Variants in IQCM observed in about 807,000 individuals in gnomAD.
The protein encoded by IQCM is IQ motif containing M, also known as IQ domain-containing protein M.
Under a neutral mutation model 57.6 loss-of-function variants are expected in IQCM, and 45 were observed. The observed-to-expected ratio is 0.78, with a 90% CI of 0.62 to 1.00. IQCM has a LOEUF of 1.00. Ranked by LOEUF, IQCM falls within the 50% of genes least tolerant of loss-of-function variation. The probability of loss-of-function intolerance (pLI) is 0.00; values close to 1 mark genes in which losing one functional copy is unlikely to be tolerated. For synonymous variants in IQCM, 148 were observed against 158.9 expected (o/e 0.93, Z 0.51); for missense variants, 468 against 511.6 (o/e 0.91, Z 0.82).
chr4:149,618,886 T>C (rs982552129), intron 8 of IQCM, among the ~76,000 whole-genome samples: 28 of 152,104 alleles, frequency 1.8e-4, no homozygotes, highest in African/African-American at 5.3e-4. Context: ...AGTGGAAATA[T>C]AAGTTAGTAC....
intron 12 of IQCM, among the ~76,000 whole-genome samples, chr4:149,446,762 T>A (rs1736555717): frequency 6.6e-6 from 1 of 151,572 alleles, no homozygotes; most frequent in Admixed American, 6.6e-5. Context: ...CATTAAAAAT[T>A]TCAGGGCAAA....
At chr4:149,557,184 T>C (rs1361420316) in intron 10 of IQCM, among the ~76,000 whole-genome samples, 1 of 152,150 alleles carries the variant, frequency 6.6e-6, no homozygotes, top group Non-Finnish European at 1.5e-5. Context: ...GAGTATTATC[T>C]AGCCTTGGCT....
At chr4:149,706,594 T>C (rs893159859) in intron 5 of IQCM, among the ~76,000 whole-genome samples, 1 of 152,014 alleles carries the variant, frequency 6.6e-6, no homozygotes, top group South Asian at 2.1e-4. Context: ...CTAAGTATTA[T>C]CTTGTATATG....
chr4:149,592,882 A>T (rs1027648542), intron 8 of IQCM, among the ~76,000 whole-genome samples: 6 of 152,172 alleles, frequency 3.9e-5, no homozygotes, highest in Non-Finnish European at 4.4e-5. Context: ...GTTTGAAGTC[A>T]GGTAGTGTGA....
At chr4:149,485,382 T>C (rs764796849) in intron 12 of IQCM, among the ~76,000 whole-genome samples, 1 of 151,848 alleles carries the variant, frequency 6.6e-6, no homozygotes, top group Non-Finnish European at 1.5e-5. Context: ...ATCTCGTAGG[T>C]ATGCTTTATT....
intron 13 of IQCM, among the ~76,000 whole-genome samples, chr4:149,389,718 GC>G (rs1157947122): frequency 1.3e-4 from 17 of 131,110 alleles, no homozygotes; most frequent in African/African-American, 4.8e-4. Flanking sequence ...TGGGTTGGGG[GC>G]GGGGGGAGGG....
chr4:149,711,777 T>C (rs761125262), intron 5 of IQCM, among the ~76,000 whole-genome samples: 3 of 152,194 alleles, frequency 2.0e-5, no homozygotes, highest in South Asian at 2.1e-4. Context: ...TTGAGTATAG[T>C]TGGACACCAG....
At chr4:149,403,959 G>A (rs1448259298) in intron 13 of IQCM, among the ~76,000 whole-genome samples, 4 of 151,978 alleles carry the variant, frequency 2.6e-5, no homozygotes. Context: ...GGAGAGAAAT[G>A]AGTCAAGCAC....
chr4:149,812,804 G>A lies in IQCM; in HGVS notation c.-49+2507C>T, dbSNP rs151337557. ...AGTTTCACTGACATAAATTGAAGCTGAACCTCTGCTCTGGCTAATTGTGTA... is the reference window on the plus strand; with the variant it reads ...AGTTTCACTGACATAAATTGAAGCTAAACCTCTGCTCTGGCTAATTGTGTA... On this transcript the variant is annotated intron_variant, in intron 2 of 13. Coordinates refer to ENST00000636793, the MANE Select transcript of IQCM (RefSeq NM_001363507.2). Among the ~76,000 whole-genome samples, 643 of 152,178 alleles carry A rather than the reference G, an allele frequency of 4.2e-3. 6 individuals carry two copies. The highest frequency in any genetic ancestry group is 0.015 in the African/African-American group (610 of 41,530).
At chr4:149,655,883 C>A (rs1368048359) in intron 7 of IQCM, among the ~76,000 whole-genome samples, 1 of 152,090 alleles carries the variant, frequency 6.6e-6, no homozygotes, top group Non-Finnish European at 1.5e-5. Flanking sequence ...CTTTGTTTTG[C>A]CTTTTGATAA....
chr4:149,681,734 T>C (rs1762193129), intron 7 of IQCM, among the ~76,000 whole-genome samples: 1 of 151,098 alleles, frequency 6.6e-6, no homozygotes, highest in South Asian at 2.1e-4. Flanking sequence ...TTTAAGCAGT[T>C]CAAGTTCCAG....
chr4:149,485,972 C>T (rs758998911), intron 12 of IQCM, among the ~76,000 whole-genome samples: 1 of 151,476 alleles, frequency 6.6e-6, no homozygotes, highest in Non-Finnish European at 1.5e-5. Context: ...GGTTACCAGG[C>T]AGAGACTCTT....
At chr4:149,707,938 T>C (rs909104075) in intron 5 of IQCM, among the ~76,000 whole-genome samples, 2 of 152,044 alleles carry the variant, frequency 1.3e-5, no homozygotes, top group African/African-American at 4.8e-5. Context: ...ATCACAGTTC[T>C]ATATTTTCAT....
intron 13 of IQCM, among the ~76,000 whole-genome samples, chr4:149,421,200 T>C (rs1734097438): frequency 6.6e-6 from 1 of 152,072 alleles, no homozygotes; most frequent in African/African-American, 2.4e-5. Flanking sequence ...GGGTACATAA[T>C]AACACAGTAT....
intron 13 of IQCM, among the ~76,000 whole-genome samples, chr4:149,364,847 A>G (rs1286236593): frequency 6.6e-6 from 1 of 152,166 alleles, no homozygotes; most frequent in African/African-American, 2.4e-5. Context: ...AAGGTTCATT[A>G]AAAGTGATTT....
intron 12 of IQCM, among the ~76,000 whole-genome samples, chr4:149,516,438 C>T (rs1428745357): frequency 6.6e-6 from 1 of 152,170 alleles, no homozygotes; most frequent in Non-Finnish European, 1.5e-5. Context: ...GGCTCATGCT[C>T]ATGGAATTCA....
intron 2 of IQCM, among the ~76,000 whole-genome samples, chr4:149,789,469 CT>C (rs1382683503): frequency 2.6e-5 from 4 of 152,092 alleles, no homozygotes; most frequent in Admixed American, 2.6e-4. Context: ...TTTTAATGGT[CT>C]TTAGCTTTTA....
At chr4:149,444,858 C>A in intron 12 of IQCM, among the ~76,000 whole-genome samples, 1 of 151,794 alleles carries the variant, frequency 6.6e-6, no homozygotes, top group East Asian at 1.9e-4. Context: ...TAACGTAGTT[C>A]AGATAATGCA....
intron 7 of IQCM, among the ~76,000 whole-genome samples, chr4:149,653,153 A>G (rs971662609): frequency 1.3e-5 from 2 of 152,142 alleles, no homozygotes; most frequent in African/African-American, 4.8e-5. Flanking sequence ...AAGTTGGTAA[A>G]TGGTGTATCA....
Sources: gnomAD v4.1 joint callset for allele counts (sites outside exome capture counted in the v4.1 genomes callset) on GRCh38, gnomAD v4.1.1 for gene constraint, MANE v1.5 for transcripts, NCBI Gene and HGNC (gene_info 2026-07-23, HGNC 2026-07-21) for gene names.